The following BMERB1 variants were observed in gnomAD, a reference collection of about 807,000 sequenced individuals.
BMERB1 encodes the protein bMERB domain containing 1.
In BMERB1, 12 loss-of-function variants were observed where a neutral mutation model predicts 23.6. The ratio of observed to expected loss-of-function variants is 0.51; its 90% CI spans 0.33 to 0.82. The LOEUF is 0.82. Among genes scored for constraint, BMERB1 ranks in the 40% least tolerant of loss-of-function variants. BMERB1 has a pLI of 0.03. For missense variants in BMERB1, 247 were observed against 255.4 expected (o/e 0.97, Z 0.22); for synonymous variants, 122 against 96.6 (o/e 1.26, Z -1.54).
intron 2 of BMERB1, among the ~76,000 whole-genome samples, chr16:15,541,163 T>C (rs1000429909): frequency 2.0e-5 from 3 of 152,052 alleles, no homozygotes; most frequent in Admixed American, 1.3e-4. Context: ...CCTTCACTTA[T>C]GTTTACTGGT....
chr16:15,485,295 C>T (rs996967298), intron 1 of BMERB1, among the ~76,000 whole-genome samples: 3 of 152,112 alleles, frequency 2.0e-5, no homozygotes, highest in Non-Finnish European at 2.9e-5. Context: ...AGGTGTCATT[C>T]AAAGTTCACT....
At chr16:15,555,251 T>C (rs2030220363) in intron 2 of BMERB1, among the ~76,000 whole-genome samples, 1 of 152,072 alleles carries the variant, frequency 6.6e-6, no homozygotes, top group Non-Finnish European at 1.5e-5. Flanking sequence ...AATTTTTTTA[T>C]TGTGTAGAGA....
At chr16:15,444,123 G>GTTTTTTTTTTTTGTTTTTTTTTTTTT (rs2050966760) in intron 1 of BMERB1, among the ~76,000 whole-genome samples, 3 of 35,610 alleles carry the variant, frequency 8.4e-5, no homozygotes, top group African/African-American at 1.3e-4. Flanking sequence ...CACCAGCTTT[G>GTTTTTTTTTTTTGTTTTTTTTTTTTT]TTTTTTTTTT....
chr16:15,491,668 C>G (rs2051421784), intron 1 of BMERB1, among the ~76,000 whole-genome samples: 1 of 152,262 alleles, frequency 6.6e-6, no homozygotes, highest in Non-Finnish European at 1.5e-5. Context: ...CTTTTAGAGA[C>G]AGGATCTCAC....
At position 15,434,745 on chromosome 16, in the gene BMERB1, A is replaced by G. The variant is rs1273648299; in HGVS notation, c.92A>G (p.Glu31Gly). 1.4e-5 allele frequency: 14 copies of G among 966,754 alleles called. 1 individual carries two copies. Among genetic ancestry groups the G allele is most frequent in the Middle Eastern group, 4.9e-4 (2 of 4,042 alleles). 59.9% of individuals were successfully genotyped at this position (966,754 alleles called of 1,614,324 possible). A position where few individuals can be genotyped will look rare whatever the true frequency, so the allele number is the denominator to read the frequency against. ...GAVEETAWKT[E>G]RLGRNQLDII... ...GTGGAGGAGACGGCTTGGAAAACGG[A>G]GAGACTGGGGAGAAGTGAGTACTGG... Residue 31 changes from glutamate to glycine, a missense_variant, in exon 1 of 6, where the codon GAG becomes GGG. Physicochemically the swap from Glu to Gly is moderately conservative, Grantham distance 98. Coordinates refer to ENST00000300006, the MANE Select transcript of BMERB1 (RefSeq NM_033201.3).
At chr16:15,442,038 TAGGAG>T (rs1467783842) in intron 1 of BMERB1, among the ~76,000 whole-genome samples, 1 of 151,882 alleles carries the variant, frequency 6.6e-6, no homozygotes, top group Non-Finnish European at 1.5e-5. Context: ...GGTTAAGACT[TAGGAG>T]AGGGAGGCCG....
intron 2 of BMERB1, among the ~76,000 whole-genome samples, chr16:15,528,768 C>T (rs780022034): frequency 6.6e-6 from 1 of 152,074 alleles, no homozygotes; most frequent in Non-Finnish European, 1.5e-5. Context: ...CATATGTCGA[C>T]ATCTAATTCC....
At chr16:15,457,906 T>C (rs1295736635) in intron 1 of BMERB1, among the ~76,000 whole-genome samples, 1 of 152,080 alleles carries the variant, frequency 6.6e-6, no homozygotes, top group East Asian at 1.9e-4. Context: ...AGCAAACATA[T>C]CCTTCTTCAC....
chr16:15,571,155 G>A (rs554267872), intron 3 of BMERB1, among the ~76,000 whole-genome samples: 6 of 151,566 alleles, frequency 4.0e-5, no homozygotes, highest in Admixed American at 6.5e-5. Context: ...CCCTATTCAA[G>A]ATGGAGTCAC....
At chr16:15,571,178 C>G (rs1285655601) in intron 3 of BMERB1, among the ~76,000 whole-genome samples, 2 of 151,946 alleles carry the variant, frequency 1.3e-5, no homozygotes, top group African/African-American at 4.8e-5. Flanking sequence ...TAGTTCAAAC[C>G]CTTCTGACAG....
intron 3 of BMERB1, among the ~76,000 whole-genome samples, chr16:15,579,982 G>A (rs1016942485): frequency 5.9e-5 from 9 of 152,130 alleles, no homozygotes; most frequent in African/African-American, 1.7e-4. Flanking sequence ...ATAGGTAAAC[G>A]TGGGCCATGG....
intron 1 of BMERB1, among the ~76,000 whole-genome samples, chr16:15,461,083 C>G (rs981585287): frequency 4.0e-5 from 6 of 151,038 alleles, no homozygotes; most frequent in African/African-American, 1.2e-4. Context: ...CAAGATTGCA[C>G]CAGTGCACTC....
At chr16:15,486,111 A>G (rs1002598299) in intron 1 of BMERB1, among the ~76,000 whole-genome samples, 6 of 151,408 alleles carry the variant, frequency 4.0e-5, no homozygotes, top group African/African-American at 1.5e-4. Context: ...GTGTGGTGGC[A>G]CAATCGCTGG....
At chr16:15,528,353 C>G (rs1269031905) in intron 2 of BMERB1, among the ~76,000 whole-genome samples, 1 of 152,184 alleles carries the variant, frequency 6.6e-6, no homozygotes, top group Non-Finnish European at 1.5e-5. Flanking sequence ...TGTTAGTGCA[C>G]TGATCCCACC....
At chr16:15,444,375 C>G (rs1275698074) in intron 1 of BMERB1, among the ~76,000 whole-genome samples, 3 of 151,814 alleles carry the variant, frequency 2.0e-5, no homozygotes, top group Non-Finnish European at 4.4e-5. Flanking sequence ...TGGGTCCTGA[C>G]CCCACCCTTA....
chr16:15,587,509 T>C lies in BMERB1; in HGVS notation c.*680T>C. ...TTGTGCTCTCAGTCTGCCTCAGGTG[T>C]GTGCCTGGAGGGGGCCTGGACTGGC... On this transcript the variant is annotated 3_prime_UTR_variant, in exon 6 of 6. Coordinates refer to ENST00000300006, the MANE Select transcript of BMERB1 (RefSeq NM_033201.3). The C allele has an allele frequency of 2.2e-6, 1 of 446,858 alleles. No homozygotes were observed. Among genetic ancestry groups the C allele is most frequent in the Non-Finnish European group, 4.5e-6 (1 of 221,310 alleles). The allele number at this position is 446,858 out of a possible 1,614,324, so 27.7% of individuals were successfully genotyped here.
chr16:15,554,888 G>C (rs1054728253), intron 2 of BMERB1, among the ~76,000 whole-genome samples: 1 of 151,922 alleles, frequency 6.6e-6, no homozygotes, highest in Non-Finnish European at 1.5e-5. Flanking sequence ...GGATGGTCTC[G>C]ATCTCCTGAC....
At chr16:15,506,986 A>G (rs1450794495) in intron 1 of BMERB1, among the ~76,000 whole-genome samples, 1 of 152,192 alleles carries the variant, frequency 6.6e-6, no homozygotes, top group Non-Finnish European at 1.5e-5. Context: ...TTATTAATCT[A>G]GAAAGAGAGG....
At chr16:15,481,959 G>C (rs1427914265) in intron 1 of BMERB1, among the ~76,000 whole-genome samples, 1 of 151,654 alleles carries the variant, frequency 6.6e-6, no homozygotes, top group African/African-American at 2.4e-5. Context: ...TTGAACTCCT[G>C]ACCTCAAGTG....
Sources: gnomAD v4.1 joint callset for allele counts (sites outside exome capture counted in the v4.1 genomes callset) on GRCh38, gnomAD v4.1.1 for gene constraint, MANE v1.5 for transcripts, NCBI Gene and HGNC (gene_info 2026-07-23, HGNC 2026-07-21) for gene names.